The following AMD1 variants were observed in gnomAD, a reference collection of about 807,000 sequenced individuals.
AMD1 encodes the protein S-adenosylmethionine decarboxylase proenzyme.
Under a neutral mutation model 40.2 loss-of-function variants are expected in AMD1, and 11 were observed. The observed-to-expected ratio is 0.27, with a 90% CI of 0.17 to 0.45. AMD1 has a LOEUF of 0.45. AMD1 is among the 20% of genes least tolerant of loss of function. The probability of loss-of-function intolerance (pLI) is 1.00; values close to 1 mark genes in which losing one functional copy is unlikely to be tolerated. For synonymous variants in AMD1, 121 were observed against 130.8 expected (o/e 0.93, Z 0.51); for missense variants, 257 against 410.2 (o/e 0.63, Z 3.23).
At chr6:110,892,680 C>G in intron 6 of AMD1, 55 bp from the exon 7 acceptor site, 1 of 1,588,260 alleles carries the variant, frequency 6.3e-7, no homozygotes, top group South Asian at 1.1e-5. Context: ...ATTTTGGACT[C>G]AATTGAAGTT....
At chr6:110,823,253 AC>A in the AMD1 span, among the ~76,000 whole-genome samples, 1 of 152,182 alleles carries the variant, frequency 6.6e-6, no homozygotes, top group Non-Finnish European at 1.5e-5. Context: ...TATATGATAA[AC>A]CCACAGCCAA....
the AMD1 span, among the ~76,000 whole-genome samples, chr6:110,841,845 C>G: frequency 1.3e-5 from 2 of 151,988 alleles, no homozygotes; most frequent in East Asian, 3.9e-4. Flanking sequence ...CTCTGTTCCC[C>G]AGGCTGGAGT....
At chr6:110,827,348 G>T in the AMD1 span, among the ~76,000 whole-genome samples, 1 of 146,994 alleles carries the variant, frequency 6.8e-6, no homozygotes, top group Admixed American at 6.8e-5. Context: ...TCACTGTGTT[G>T]CCCAAGCTTG....
the AMD1 span, among the ~76,000 whole-genome samples, chr6:110,866,177 TAATC>T: frequency 6.6e-6 from 1 of 152,226 alleles, no homozygotes; most frequent in Admixed American, 6.5e-5. Flanking sequence ...TTTTAATAGA[TAATC>T]AAGGTTACAG....
chr6:110,888,808 C>T, intron 2 of AMD1, 49 bp from the exon 3 acceptor site: 7 of 1,566,882 alleles, frequency 4.5e-6, no homozygotes, highest in Non-Finnish European at 6.1e-6. Flanking sequence ...ATTGCACCCT[C>T]AGTAGTACAT....
At chr6:110,877,553 A>G (rs556353614) in intron 1 of AMD1, among the ~76,000 whole-genome samples, 1 of 152,404 alleles carries the variant, frequency 6.6e-6, no homozygotes, top group East Asian at 1.9e-4. Context: ...GACGTGATTA[A>G]GTGCATAGCC....
chr6:110,827,349 C>A, the AMD1 span, among the ~76,000 whole-genome samples: 4 of 150,654 alleles, frequency 2.7e-5, no homozygotes, highest in African/African-American at 9.8e-5. Flanking sequence ...CACTGTGTTG[C>A]CCAAGCTTGT....
the AMD1 span, among the ~76,000 whole-genome samples, chr6:110,844,255 G>T: frequency 6.1e-5 from 9 of 147,506 alleles, no homozygotes. Context: ...GAAAGAAAGA[G>T]AATTATAATC....
the AMD1 span, among the ~76,000 whole-genome samples, chr6:110,855,065 C>CTTTTTTTTTTTTTTTTTTTTTTTTTTTT: frequency 9.9e-5 from 8 of 80,446 alleles, no homozygotes; most frequent in African/African-American, 2.9e-4. Context: ...CTCTCTCTCT[C>CTTTTTTTTTTTTTTTTTTTTTTTTTTTT]TTTTTTTTTT....
intron 2 of AMD1, among the ~76,000 whole-genome samples, chr6:110,887,976 G>A (rs1217247922): frequency 3.3e-5 from 5 of 152,070 alleles, no homozygotes; most frequent in Admixed American, 2.0e-4. Context: ...GTGAGCCACC[G>A]CGCCCAGCCT....
At chr6:110,885,299 G>C (rs900197246) in intron 1 of AMD1, among the ~76,000 whole-genome samples, 3 of 152,172 alleles carry the variant, frequency 2.0e-5, no homozygotes, top group African/African-American at 7.2e-5. Flanking sequence ...TTTTAGTAGA[G>C]ATGGGGTTTC....
At chr6:110,883,077 A>G (rs756198013) in intron 1 of AMD1, among the ~76,000 whole-genome samples, 1 of 152,158 alleles carries the variant, frequency 6.6e-6, no homozygotes, top group Non-Finnish European at 1.5e-5. Context: ...GTGAGCTGTG[A>G]TTGTGCCATT....
chr6:110,842,377 C>T, the AMD1 span, among the ~76,000 whole-genome samples: 2 of 152,170 alleles, frequency 1.3e-5, no homozygotes, highest in African/African-American at 4.8e-5. Context: ...AAAAAGGCAG[C>T]AGGCTTAATG....
the AMD1 span, among the ~76,000 whole-genome samples, chr6:110,823,266 A>T: frequency 6.6e-6 from 1 of 152,226 alleles, no homozygotes; most frequent in Non-Finnish European, 1.5e-5. Context: ...CACAGCCAAC[A>T]TCACACTGAA....
chr6:110,861,702 C>T, the AMD1 span, among the ~76,000 whole-genome samples: 14 of 142,960 alleles, frequency 9.8e-5, no homozygotes, highest in African/African-American at 2.9e-4. Context: ...ACTAACCAGG[C>T]GTGGTGGTAC....
chr6:110,814,870 G>T, the AMD1 span: 5 of 1,136,258 alleles, frequency 4.4e-6, no homozygotes, highest in Middle Eastern at 2.0e-4. Context: ...CCTCGGAGTC[G>T]GTGTCCGGAC....
At chr6:110,844,242 A>G in the AMD1 span, among the ~76,000 whole-genome samples, 6 of 147,854 alleles carry the variant, frequency 4.1e-5, no homozygotes, top group Admixed American at 4.0e-4. Context: ...AAAAAGAAAG[A>G]AAGAAAGAAA....
the AMD1 span, among the ~76,000 whole-genome samples, chr6:110,835,321 G>GGATACTATT: frequency 6.6e-6 from 1 of 151,738 alleles, no homozygotes; most frequent in Non-Finnish European, 1.5e-5. Context: ...CCCGGCCTGT[G>GGATACTATT]GATACTATTA....
chr6:110,881,459 C>A (rs1457908857), intron 1 of AMD1, among the ~76,000 whole-genome samples: 1 of 152,112 alleles, frequency 6.6e-6, no homozygotes, highest in Non-Finnish European at 1.5e-5. Flanking sequence ...AAAAGGAATT[C>A]AAATCAGGAA....
Sources: gnomAD v4.1 joint callset for allele counts (sites outside exome capture counted in the v4.1 genomes callset) on GRCh38, gnomAD v4.1.1 for gene constraint, MANE v1.5 for transcripts, NCBI Gene and HGNC (gene_info 2026-07-23, HGNC 2026-07-21) for gene names.